The following MINDY3 variants were observed in gnomAD, a reference collection of about 807,000 sequenced individuals.
MINDY3 encodes the protein ubiquitin carboxyl-terminal hydrolase MINDY-3.
In MINDY3, 38 loss-of-function variants were observed where a neutral mutation model predicts 69.2. The ratio of observed to expected loss-of-function variants is 0.55; its 90% CI spans 0.42 to 0.72. MINDY3 has a LOEUF of 0.72. MINDY3 is among the 30% of genes least tolerant of loss of function. The probability of loss-of-function intolerance (pLI) is 0.00; values close to 1 mark genes in which losing one functional copy is unlikely to be tolerated. For synonymous variants in MINDY3, 192 were observed against 180.1 expected (o/e 1.07, Z -0.53); for missense variants, 522 against 519.0 (o/e 1.01, Z -0.06).
intron 10 of MINDY3, among the ~76,000 whole-genome samples, chr10:15,798,576 T>G (rs1002481348): frequency 6.6e-6 from 1 of 151,922 alleles, no homozygotes; most frequent in Non-Finnish European, 1.5e-5. Flanking sequence ...AGGACTTAGT[T>G]AGAGACCAGA....
intron 1 of MINDY3, among the ~76,000 whole-genome samples, chr10:15,855,935 A>T (rs991243431): frequency 3.3e-5 from 5 of 152,184 alleles, no homozygotes; most frequent in African/African-American, 1.2e-4. Flanking sequence ...TAATAAAACA[A>T]ATTATATATT....
Position 15,833,658 on chromosome 10 carries a change from C to T in MINDY3, c.702G>A (p.Trp234Ter). 1 of 1,610,352 alleles carries T rather than the reference C, an allele frequency of 6.2e-7. No homozygotes were observed. The highest frequency in any genetic ancestry group is 8.5e-7 in the Non-Finnish European group (1 of 1,177,012). The change falls in exon 8 of 15, where the codon TGG becomes TGA. Residue 234 changes from tryptophan to a stop codon, truncating the protein, a stop_gained. Coordinates refer to ENST00000277632, the MANE Select transcript of MINDY3 (RefSeq NM_024948.4). LOFTEE classifies it high-confidence loss of function. ...TTCCTGAGCACTCTCTATCACCATC[C>T]CATACATTAGAAACAGCATGTCCCG... ...LLTGHAVSNV[W>*]DGDRECSGMK... is the part of the protein sequence containing the mutation.
chr10:15,838,081 C>T, intron 5 of MINDY3, 147 bp downstream of exon 5: 1 of 1,274,214 alleles, frequency 7.8e-7, no homozygotes. Context: ...AATTTAAAGG[C>T]AAATTAATCC....
intron 14 of MINDY3, among the ~76,000 whole-genome samples, chr10:15,779,797 A>T (rs1836381335): frequency 6.6e-6 from 1 of 152,220 alleles, no homozygotes; most frequent in Non-Finnish European, 1.5e-5. Context: ...GATCAAACTA[A>T]CCAGATACTG....
At chr10:15,826,423 T>C (rs1403720041) in intron 8 of MINDY3, among the ~76,000 whole-genome samples, 1 of 152,156 alleles carries the variant, frequency 6.6e-6, no homozygotes, top group African/African-American at 2.4e-5. Flanking sequence ...ATATAATCTA[T>C]ATAAAACACT....
chr10:15,812,220 C>T (rs113423431), intron 10 of MINDY3, among the ~76,000 whole-genome samples: 1 of 152,182 alleles, frequency 6.6e-6, no homozygotes, highest in African/African-American at 2.4e-5. Flanking sequence ...GGATTACAGG[C>T]ATGAGCCCCT....
rs1226202724 is a variant in MINDY3 at position 15,833,754 on chromosome 10, CA to C, written c.651-46del. The C allele has an allele frequency of 2.5e-6, 3 of 1,190,986 alleles. No homozygotes were observed. The African/African-American group carries it at 4.6e-5, about 18-fold the overall frequency. 73.8% of individuals were successfully genotyped at this position (1,190,986 alleles called of 1,614,324 possible). On this transcript the variant is annotated intron_variant, in intron 7 of 14. Transcript: ENST00000277632. The stretch of plus-strand genomic sequence containing the variant: ...AGCAATTAAATATGAATATAGTTGC[CA>C]AATCAAATAATTCCTACAGCAAAGT...
At chr10:15,833,785 A>G (rs1832895209) in intron 7 of MINDY3, 76 bp from the exon 8 acceptor site, 2 of 927,752 alleles carry the variant, frequency 2.2e-6, no homozygotes, top group Non-Finnish European at 3.4e-6. Flanking sequence ...CAAAGTATAA[A>G]GTAATGACTT....
chr10:15,816,732 G>T, intron 10 of MINDY3, 103 bp downstream of exon 10: 3 of 770,588 alleles, frequency 3.9e-6, no homozygotes, highest in East Asian at 2.6e-5. Context: ...CATTTGTTGT[G>T]GGAATAGACT....
At chr10:15,785,699 A>C (rs1836902255) in intron 13 of MINDY3, among the ~76,000 whole-genome samples, 2 of 152,264 alleles carry the variant, frequency 1.3e-5, no homozygotes, top group African/African-American at 4.8e-5. Flanking sequence ...TACTTTTTGA[A>C]TCTTACCTCT....
At chr10:15,834,511 A>C (rs764478744) in intron 7 of MINDY3, 32 bp downstream of exon 7, 12 of 1,489,408 alleles carry the variant, frequency 8.1e-6, no homozygotes, top group Admixed American at 1.7e-5. Flanking sequence ...ACTGGAGTTC[A>C]CATGAGGAGA....
At chr10:15,799,533 TG>T in intron 10 of MINDY3, among the ~76,000 whole-genome samples, 1 of 152,182 alleles carries the variant, frequency 6.6e-6, no homozygotes, top group Admixed American at 6.5e-5. Context: ...TTTTGATATA[TG>T]GGGGGAGTAA....
At chr10:15,849,261 A>G (rs1834095453) in intron 1 of MINDY3, among the ~76,000 whole-genome samples, 1 of 152,156 alleles carries the variant, frequency 6.6e-6, no homozygotes, top group Non-Finnish European at 1.5e-5. Flanking sequence ...AAGGTTTTCC[A>G]AGAGGACAGA....
At chr10:15,806,727 A>C (rs868487122) in intron 10 of MINDY3, among the ~76,000 whole-genome samples, 1 of 152,172 alleles carries the variant, frequency 6.6e-6, no homozygotes, top group South Asian at 2.1e-4. Flanking sequence ...CTTTGGTTTC[A>C]TCTTAATATC....
chr10:15,857,961 T>A, intron 1 of MINDY3: 1 of 984,844 alleles, frequency 1.0e-6, no homozygotes, highest in Non-Finnish European at 1.2e-6. Flanking sequence ...GAAGACACGA[T>A]CACAGACTAT....
In MINDY3 at chr10:15,860,304, A is replaced by C; in HGVS notation, c.-5T>G. ...CTCTTTAGTCAGTTCGGACATGATG[A>C]GGAACCGGCGGGCGGATCTTCGCTT... is the stretch of plus-strand genomic sequence containing the variant. On this transcript the variant is annotated 5_prime_UTR_variant, in exon 1 of 15. Coordinates refer to ENST00000277632, the MANE Select transcript of MINDY3 (RefSeq NM_024948.4). 6.3e-7 allele frequency: 1 copy of C among 1,593,974 alleles called. No individual in the cohort carries two copies. The highest frequency in any genetic ancestry group is 8.6e-7 in the Non-Finnish European group (1 of 1,169,440).
In MINDY3 at chr10:15,833,623, T is replaced by C. The variant is rs1832881704; in HGVS notation, c.730+7A>G. The C allele has an allele frequency of 6.5e-7, 1 of 1,532,782 alleles. No individual in the cohort carries two copies. Among genetic ancestry groups the C allele is most frequent in the Non-Finnish European group, 9.0e-7 (1 of 1,106,850 alleles). 94.9% of individuals were successfully genotyped at this position (1,532,782 alleles called of 1,614,324 possible). A position where few individuals can be genotyped will look rare whatever the true frequency, so the allele number is the denominator to read the frequency against. On this transcript the variant is annotated splice_region_variant and intron_variant, in intron 8 of 14. Transcript: ENST00000277632. ...AAAGAGAGCAACATAACAAGGAATA[T>C]ACTTACTCATTCCTGAGCACTCTCT...
intron 2 of MINDY3, among the ~76,000 whole-genome samples, chr10:15,844,668 A>G (rs1833706682): frequency 6.6e-6 from 1 of 152,196 alleles, no homozygotes; most frequent in South Asian, 2.1e-4. Context: ...TCTTTAGAAA[A>G]GATTCACAGA....
intron 3 of MINDY3, among the ~76,000 whole-genome samples, 191 bp downstream of exon 3, chr10:15,843,021 G>A (rs1833588234): frequency 6.6e-6 from 1 of 150,814 alleles, no homozygotes. Flanking sequence ...ATACCATCAT[G>A]TCTTATAACC....
Sources: gnomAD v4.1 joint callset for allele counts (sites outside exome capture counted in the v4.1 genomes callset) on GRCh38, gnomAD v4.1.1 for gene constraint, MANE v1.5 for transcripts, NCBI Gene and HGNC (gene_info 2026-07-23, HGNC 2026-07-21) for gene names.